Variants in PIK3C2G observed in about 807,000 individuals in gnomAD.
PIK3C2G encodes the protein phosphatidylinositol-4-phosphate 3-kinase catalytic subunit type 2 gamma, also known as phosphatidylinositol 3-kinase C2 domain-containing subunit gamma.
Under a neutral mutation model 181.1 loss-of-function variants are expected in PIK3C2G, and 168 were observed. The ratio of observed to expected loss-of-function variants is 0.93; its 90% CI spans 0.82 to 1.05. The LOEUF is 1.05. Ranked by LOEUF, PIK3C2G falls within the 50% of genes least tolerant of loss-of-function variation. The probability of loss-of-function intolerance (pLI) is 0.00; values close to 1 mark genes in which losing one functional copy is unlikely to be tolerated. For synonymous variants in PIK3C2G, 573 were observed against 592.2 expected (o/e 0.97, Z 0.47); for missense variants, 1,869 against 1,732.8 (o/e 1.08, Z -1.40).
chr12:18,576,549 C>T (rs1283977883), intron 29 of PIK3C2G, among the ~76,000 whole-genome samples: 2 of 152,006 alleles, frequency 1.3e-5, no homozygotes, highest in African/African-American at 4.8e-5. Context: ...TAGGAGGAAA[C>T]AAAGAAGTAA....
chr12:18,310,404 T>A (rs1164049041), intron 5 of PIK3C2G, among the ~76,000 whole-genome samples: 1 of 151,868 alleles, frequency 6.6e-6, no homozygotes, highest in Non-Finnish European at 1.5e-5. Context: ...TCTGTCTTCT[T>A]TATAATTCCC....
chr12:18,595,096 C>A (rs759936945), intron 30 of PIK3C2G, among the ~76,000 whole-genome samples: 1 of 151,966 alleles, frequency 6.6e-6, no homozygotes, highest in Non-Finnish European at 1.5e-5. Flanking sequence ...TAAATATAAT[C>A]TATTATCTTA....
the PIK3C2G span, among the ~76,000 whole-genome samples, chr12:18,662,870 A>G: frequency 6.6e-6 from 1 of 152,128 alleles, no homozygotes; most frequent in Admixed American, 6.6e-5. Flanking sequence ...AGGAAATGAG[A>G]AAATACTTAA....
At chr12:18,466,859 CACAA>C (rs982834748) in intron 18 of PIK3C2G, among the ~76,000 whole-genome samples, 9 of 152,028 alleles carry the variant, frequency 5.9e-5, no homozygotes, top group Admixed American at 1.3e-4. Context: ...TTCAATCACA[CACAA>C]ACAAAGTAAT....
At chr12:18,643,810 T>C (rs1949969739) in intron 32 of PIK3C2G, among the ~76,000 whole-genome samples, 1 of 151,966 alleles carries the variant, frequency 6.6e-6, no homozygotes, top group African/African-American at 2.4e-5. Context: ...TTTCCTCCAC[T>C]TCCGCCGCCT....
intron 18 of PIK3C2G, among the ~76,000 whole-genome samples, chr12:18,447,229 A>G (rs1406663869): frequency 2.0e-5 from 3 of 152,160 alleles, no homozygotes; most frequent in Admixed American, 2.0e-4. Flanking sequence ...ATATGCAGCA[A>G]TTGACAGTGG....
intron 31 of PIK3C2G, among the ~76,000 whole-genome samples, chr12:18,630,565 G>A (rs574940259): frequency 2.6e-5 from 4 of 152,034 alleles, no homozygotes; most frequent in South Asian, 2.1e-4. Flanking sequence ...ATGGAGCAAA[G>A]CCCCAAGGGA....
chr12:18,360,628 TTATCAAATA>T (rs1941152978), intron 11 of PIK3C2G, among the ~76,000 whole-genome samples: 1 of 152,206 alleles, frequency 6.6e-6, no homozygotes, highest in Non-Finnish European at 1.5e-5. Flanking sequence ...AAGGATGATT[TTATCAAATA>T]TGGTATTCTT....
At chr12:18,262,386 C>CGT (rs1298874952) in intron 1 of PIK3C2G, among the ~76,000 whole-genome samples, 1 of 152,032 alleles carries the variant, frequency 6.6e-6, no homozygotes, top group Non-Finnish European at 1.5e-5. Context: ...GAAACAGACT[C>CGT]AGAGAGCGAG....
chr12:18,672,276 A>G, the PIK3C2G span, among the ~76,000 whole-genome samples: 1 of 152,158 alleles, frequency 6.6e-6, no homozygotes, highest in Non-Finnish European at 1.5e-5. Context: ...TTCTAACTTA[A>G]TTCTCAGCAC....
upstream of PIK3C2G, among the ~76,000 whole-genome samples, chr12:18,244,471 T>C (rs997630983): frequency 2.6e-5 from 4 of 152,048 alleles, no homozygotes; most frequent in Non-Finnish European, 4.4e-5. Flanking sequence ...TTTTCCGTAC[T>C]TTTGGTAGAA....
At chr12:18,308,073 G>A (rs1033408918) in intron 5 of PIK3C2G, among the ~76,000 whole-genome samples, 1 of 151,690 alleles carries the variant, frequency 6.6e-6, no homozygotes, top group African/African-American at 2.4e-5. Flanking sequence ...CAAGTGATTA[G>A]TAGCTGCTTG....
chr12:18,295,482 G>A lies in PIK3C2G; in HGVS notation c.1034+1467G>A, dbSNP rs1949898939. 6.6e-5 allele frequency among the ~76,000 whole-genome samples: 10 copies of A among 151,910 alleles called. No homozygotes were observed. In the South Asian group the frequency reaches 2.1e-3, roughly 31 times the overall value. ...AGAAAATGCCATCCAGAAAGCAATT[G>A]TATTAAAGAGACAGAAATTCGGAAA... On this transcript the variant is annotated intron_variant, in intron 5 of 32. Transcript: ENST00000538779.
chr12:18,650,561 C>T (rs1950403872), downstream of PIK3C2G, among the ~76,000 whole-genome samples: 1 of 148,626 alleles, frequency 6.7e-6, no homozygotes, highest in Non-Finnish European at 1.5e-5. Context: ...ACATGAAAGT[C>T]TATACATTTA....
chr12:18,663,893 A>G, the PIK3C2G span, among the ~76,000 whole-genome samples: 1 of 152,194 alleles, frequency 6.6e-6, no homozygotes, highest in African/African-American at 2.4e-5. Context: ...TTCCTAAAAC[A>G]CAATAACCAA....
chr12:18,339,623 T>C (rs1182523263), intron 9 of PIK3C2G, among the ~76,000 whole-genome samples: 1 of 152,164 alleles, frequency 6.6e-6, no homozygotes, highest in Non-Finnish European at 1.5e-5. Context: ...ATTTACAATG[T>C]AGATAATCAT....
At chr12:18,608,377 A>G (rs958656525) in intron 30 of PIK3C2G, among the ~76,000 whole-genome samples, 11 of 152,164 alleles carry the variant, frequency 7.2e-5, no homozygotes, top group African/African-American at 2.7e-4. Context: ...CTATGCAGCC[A>G]TAAAAAATGA....
intron 1 of PIK3C2G, among the ~76,000 whole-genome samples, chr12:18,251,080 T>G (rs1318570551): frequency 6.6e-6 from 1 of 151,692 alleles, no homozygotes; most frequent in Non-Finnish European, 1.5e-5. Flanking sequence ...TTTTCTAGAG[T>G]TTTTAGAAAT....
At chr12:18,521,667 G>A (rs907658034) in intron 24 of PIK3C2G, among the ~76,000 whole-genome samples, 22 of 152,186 alleles carry the variant, frequency 1.4e-4, no homozygotes, top group African/African-American at 1.4e-4. Context: ...GATGGCTGCC[G>A]CCCATCCCCC....
Sources: allele counts gnomAD v4.1 joint callset (sites outside exome capture counted in the v4.1 genomes callset), GRCh38; gene constraint gnomAD v4.1.1; transcripts MANE v1.5; gene names NCBI Gene and HGNC (gene_info 2026-07-23, HGNC 2026-07-21).